The following AGAP1 variants were observed in gnomAD, a reference collection of about 807,000 sequenced individuals.
AGAP1 encodes arf-GAP with GTPase, ANK repeat and PH domain-containing protein 1.
AGAP1 carries 29 observed loss-of-function variants against 105.3 expected under a neutral mutation model. The observed-to-expected ratio is 0.28, with a 90% CI of 0.21 to 0.38. The LOEUF (loss-of-function observed/expected upper bound fraction) is 0.38, where lower values mean the gene tolerates loss of function less well. AGAP1 is among the 10% of genes least tolerant of loss of function. AGAP1 has a pLI of 1.00. For synonymous variants in AGAP1, 509 were observed against 485.9 expected (o/e 1.05, Z -0.63); for missense variants, 998 against 1,165.1 (o/e 0.86, Z 2.09).
In AGAP1 at chr2:236,051,296, G is replaced by A. The variant is rs116824596; in HGVS notation, c.2114+2015G>A. On this transcript the variant is annotated intron_variant, in intron 16 of 17. Coordinates refer to ENST00000304032, the MANE Select transcript of AGAP1 (RefSeq NM_001037131.3). This position sits in a 1 kb window ranked among gnomAD's most constrained non-coding sequence, Gnocchi z 5.9. ...GGAGTTTTGTTTTCAGTGAAAATCA[G>A]CAAATAATCATTGCACACTTTCTCG... 4.0e-3 allele frequency among the ~76,000 whole-genome samples: 612 copies of A among 152,332 alleles called. 5 individuals are homozygous for A. The highest frequency in any genetic ancestry group is 0.013 in the African/African-American group (544 of 41,562).
In AGAP1 at chr2:235,569,323, G is replaced by A. The variant is rs1001593869; in HGVS notation, c.163+74474G>A. On this transcript the variant is annotated intron_variant, in intron 1 of 17. Transcript: ENST00000304032. The surrounding 1 kb of genome is among the most constrained non-coding windows in gnomAD (Gnocchi z 5.9). ...GAGCGAGACACCATCTCAAAAAAAA[G>A]GATCTTGGAGGAAGTACATGACCCC... is the stretch of plus-strand genomic sequence containing the variant. 4.6e-5 allele frequency among the ~76,000 whole-genome samples: 7 copies of A among 152,130 alleles called. No individual in the cohort carries two copies. The highest frequency in any genetic ancestry group is 1.7e-4 in the African/African-American group (7 of 41,502).
chr2:235,678,079 G>A (rs921036088), intron 1 of AGAP1, among the ~76,000 whole-genome samples: 1 of 151,446 alleles, frequency 6.6e-6, no homozygotes, highest in Non-Finnish European at 1.5e-5. Context: ...AGTCGCTTAT[G>A]GTGCCGGTGA....
At chr2:235,903,965 C>T (rs1454249423) in intron 10 of AGAP1, among the ~76,000 whole-genome samples, 2 of 151,928 alleles carry the variant, frequency 1.3e-5, no homozygotes, top group East Asian at 1.9e-4. Flanking sequence ...CAAAGGCAGC[C>T]CCACAGAAGG....
chr2:235,562,294 C>T (rs919295031), intron 1 of AGAP1, among the ~76,000 whole-genome samples: 1 of 151,902 alleles, frequency 6.6e-6, no homozygotes, highest in Non-Finnish European at 1.5e-5. Flanking sequence ...GATTATAGCA[C>T]GTGATTATAC....
At chr2:235,554,448 A>G (rs1287082268) in intron 1 of AGAP1, among the ~76,000 whole-genome samples, 1 of 152,222 alleles carries the variant, frequency 6.6e-6, no homozygotes, top group Non-Finnish European at 1.5e-5. Context: ...AGAAAACGCC[A>G]GGCCATGCTG....
chr2:235,839,853 GT>G (rs1960602787), intron 9 of AGAP1, among the ~76,000 whole-genome samples: 1 of 152,128 alleles, frequency 6.6e-6, no homozygotes, highest in African/African-American at 2.4e-5. Context: ...AGACATTTTG[GT>G]AGCCTGATTT....
At chr2:236,081,626 G>A (rs1453075537) in intron 16 of AGAP1, among the ~76,000 whole-genome samples, 1 of 149,918 alleles carries the variant, frequency 6.7e-6, no homozygotes, top group African/African-American at 2.4e-5. Context: ...ATATGTGGAT[G>A]GTTGAAAAAG....
chr2:236,116,150 T>C (rs1453670920), intron 16 of AGAP1, among the ~76,000 whole-genome samples: 1 of 152,028 alleles, frequency 6.6e-6, no homozygotes. Flanking sequence ...TTCACTCTTG[T>C]TACCCAGGCT....
intron 1 of AGAP1, among the ~76,000 whole-genome samples, chr2:235,532,837 G>A (rs558158710): frequency 6.6e-6 from 1 of 152,322 alleles, no homozygotes; most frequent in South Asian, 2.1e-4. Context: ...GGCAGCCGGT[G>A]CATGGCTGGC....
At chr2:235,759,307 T>C (rs1230834801) in intron 6 of AGAP1, among the ~76,000 whole-genome samples, 4 of 151,882 alleles carry the variant, frequency 2.6e-5, no homozygotes, top group East Asian at 1.9e-4. Context: ...TAGCTGGGAC[T>C]ACAGGCGCCT....
At chr2:235,726,386 G>A (rs773265455) in intron 3 of AGAP1, among the ~76,000 whole-genome samples, 2 of 152,184 alleles carry the variant, frequency 1.3e-5, no homozygotes, top group East Asian at 1.9e-4. Context: ...TAACAAAACC[G>A]TTCTTTAAGA....
rs577025118 is a variant in AGAP1, at chr2:235,599,445, G to A, written c.163+104596G>A. On this transcript the variant is annotated intron_variant, in intron 1 of 17. Coordinates refer to ENST00000304032, the MANE Select transcript of AGAP1 (RefSeq NM_001037131.3). This position sits in a 1 kb window ranked among gnomAD's most constrained non-coding sequence, Gnocchi z 5.3. The stretch of plus-strand genomic sequence containing the variant: ...CAGGAGGAAGTATTTGCATGAATTA[G>A]CCACACGCAGAGGGCAGTTATGTGT... Among the ~76,000 whole-genome samples, 8 of 152,266 alleles carry A rather than the reference G, an allele frequency of 5.3e-5. No individual in the cohort carries two copies. The South Asian group carries it at 1.7e-3, about 32-fold the overall frequency.
In AGAP1 at chr2:236,101,221, T is replaced by C. The variant is rs35737114; in HGVS notation, c.2115-18971T>C. Reference sequence around the variant, plus strand: ...TGTTTGTTTTTGGCTGTTGGAACTGTTGTGATCCCCCACCACAAGCAGATT... The same window carrying C: ...TGTTTGTTTTTGGCTGTTGGAACTGCTGTGATCCCCCACCACAAGCAGATT... On this transcript the variant is annotated intron_variant, in intron 16 of 17. Coordinates refer to ENST00000304032, the MANE Select transcript of AGAP1 (RefSeq NM_001037131.3). This position sits in a 1 kb window ranked among gnomAD's most constrained non-coding sequence, Gnocchi z 4.9. 1.9e-3 allele frequency among the ~76,000 whole-genome samples: 291 copies of C among 152,252 alleles called. No individual in the cohort carries two copies. The highest frequency in any genetic ancestry group is 3.1e-3 in the Non-Finnish European group (208 of 68,024).
At chr2:235,727,738 G>A (rs556012349) in intron 3 of AGAP1, among the ~76,000 whole-genome samples, 8 of 152,304 alleles carry the variant, frequency 5.3e-5, no homozygotes, top group African/African-American at 1.7e-4. Flanking sequence ...GGAAAGGGGA[G>A]CGATCAGTCT....
chr2:235,789,858 G>T lies in AGAP1; in HGVS notation c.674-7901G>T, dbSNP rs767461766. 6.6e-6 allele frequency among the ~76,000 whole-genome samples: 1 copy of T among 152,162 alleles called. No homozygotes were observed. Among genetic ancestry groups the T allele is most frequent in the Non-Finnish European group, 1.5e-5 (1 of 68,036 alleles). ...AGTGACAAGGAACCAAAAAGCAAAT[G>T]CATAGAAGAGCATTTCCTATTTACA... On this transcript the variant is annotated intron_variant, in intron 6 of 17. Coordinates refer to ENST00000304032, the MANE Select transcript of AGAP1 (RefSeq NM_001037131.3). This position sits in a 1 kb window ranked among gnomAD's most constrained non-coding sequence, Gnocchi z 4.2.
chr2:235,637,175 C>T (rs934496692), intron 1 of AGAP1, among the ~76,000 whole-genome samples: 1 of 152,184 alleles, frequency 6.6e-6, no homozygotes, highest in Non-Finnish European at 1.5e-5. Flanking sequence ...GAGGCAGGTG[C>T]CACTGGTCTC....
At position 236,056,766 on chromosome 2, in the gene AGAP1, A is replaced by T. The variant is rs1203195910; in HGVS notation, c.2114+7485A>T. On this transcript the variant is annotated intron_variant, in intron 16 of 17. Coordinates refer to ENST00000304032, the MANE Select transcript of AGAP1 (RefSeq NM_001037131.3). This position sits in a 1 kb window ranked among gnomAD's most constrained non-coding sequence, Gnocchi z 4.6. The stretch of plus-strand genomic sequence containing the variant: ...AGCACACAGCGCCCTGTGTGCTTGG[A>T]TTATCCCCATTCCCAGACGTGTGCC... Among the ~76,000 whole-genome samples, 1 of 152,052 alleles carries T rather than the reference A, an allele frequency of 6.6e-6. No individual in the cohort carries two copies. Among genetic ancestry groups the T allele is most frequent in the Middle Eastern group, 3.2e-3 (1 of 316 alleles).
In AGAP1 at chr2:235,976,497, C is replaced by T. The variant is rs1406719709; in HGVS notation, c.1645+7874C>T. Among the ~76,000 whole-genome samples, 2 of 152,154 alleles carry T rather than the reference C, an allele frequency of 1.3e-5. No homozygotes were observed. The highest frequency in any genetic ancestry group is 2.4e-5 in the African/African-American group (1 of 41,432). On this transcript the variant is annotated intron_variant, in intron 13 of 17. Transcript: ENST00000304032. This position sits in a 1 kb window ranked among gnomAD's most constrained non-coding sequence, Gnocchi z 4.5. ...AACGGAAGATTCCCATCGTGATGAA[C>T]CGACGCACAGAAGGATGTTTGTAGT...
rs1472137083 is a variant in AGAP1, at chr2:235,556,409, C to T, written c.163+61560C>T. 6.6e-6 allele frequency among the ~76,000 whole-genome samples: 1 copy of T among 152,254 alleles called. No homozygotes were observed. Among genetic ancestry groups the T allele is most frequent in the Non-Finnish European group, 1.5e-5 (1 of 68,042 alleles). ...CTGACCCCAAGGCCCAGGCCAGTCT[C>T]GTCCAGGCTGCCCACACCTAGGTCT... On this transcript the variant is annotated intron_variant, in intron 1 of 17. Transcript: ENST00000304032. The surrounding 1 kb of genome is among the most constrained non-coding windows in gnomAD (Gnocchi z 5.3).
Sources: gnomAD v4.1 joint callset for allele counts (sites outside exome capture counted in the v4.1 genomes callset) on GRCh38, gnomAD v4.1.1 for gene constraint, Gnocchi (gnomAD v3.1) non-coding constraint, MANE v1.5 for transcripts, NCBI Gene and HGNC (gene_info 2026-07-23, HGNC 2026-07-21) for gene names.